Variants in ZFP37 observed in about 807,000 individuals in gnomAD.
The protein encoded by ZFP37 is zinc finger protein 37 homolog.
Under a neutral mutation model 52.1 loss-of-function variants are expected in ZFP37, and 38 were observed. The ratio of observed to expected loss-of-function variants is 0.73; its 90% CI spans 0.56 to 0.96. The LOEUF is 0.96. ZFP37 is among the 40% of genes least tolerant of loss of function. The pLI, the probability that ZFP37 is intolerant of heterozygous loss-of-function variation, is 0.00. For missense variants in ZFP37, 695 were observed against 741.4 expected (o/e 0.94, Z 0.73); for synonymous variants, 253 against 259.5 (o/e 0.98, Z 0.24).
rs1001414206 is a variant in ZFP37 at position 113,039,754 on chromosome 9, A to C, written c.*2971T>G. 6.6e-6 allele frequency: 1 copy of C among 152,182 alleles called. No homozygotes were observed. Among genetic ancestry groups the C allele is most frequent in the Non-Finnish European group, 1.5e-5 (1 of 68,036 alleles). The allele number at this position is 152,182 out of a possible 1,614,324, so 9.4% of individuals were successfully genotyped here. Reference sequence around the variant, plus strand: ...GATGATCATATCACTTGAATAAATAAATGTTTCAAAACTGTTAATAATAAT... The same window carrying C: ...GATGATCATATCACTTGAATAAATACATGTTTCAAAACTGTTAATAATAAT... On this transcript the variant is annotated 3_prime_UTR_variant, in exon 4 of 4. Transcript: ENST00000374227.
rs770512368 is a variant in ZFP37, at chr9:113,043,235, A to G, written c.1383T>C (p.Phe461=). 3 of 1,613,950 alleles carry G rather than the reference A, an allele frequency of 1.9e-6. No homozygotes were observed. In the Admixed American group the frequency reaches 5.0e-5, roughly 27 times the overall value. ...HMRIHTGEKP[F]ECNECGKAFS... Reference sequence around the variant, plus strand: ...AAGCTTTCCCACATTCATTACATTCAAAGGGTTTCTCACCTGTATGAATTC... The same window carrying G: ...AAGCTTTCCCACATTCATTACATTCGAAGGGTTTCTCACCTGTATGAATTC... Residue 461 remains phenylalanine (F), a synonymous_variant, in exon 4 of 4, where the codon TTT becomes TTC. Coordinates refer to ENST00000374227, the MANE Select transcript of ZFP37 (RefSeq NM_003408.3).
In ZFP37 at chr9:113,044,246, C is replaced by T; in HGVS notation, c.372G>A (p.Gln124=). 2.5e-6 allele frequency: 4 copies of T among 1,569,074 alleles called. No individual in the cohort carries two copies. The highest frequency in any genetic ancestry group is 2.8e-5 in the African/African-American group (2 of 72,532). The change falls in exon 4 of 4, where the codon CAG becomes CAA. Residue 124 remains glutamine, a synonymous_variant. Transcript: ENST00000374227. Reference sequence around the variant, plus strand: ...TTTGAGATTTCTGGATATTTTCAAGCTGGTCATCATCTTTCTGGACTTCTA... The same window carrying T: ...TTTGAGATTTCTGGATATTTTCAAGTTGGTCATCATCTTTCTGGACTTCTA... ...TDGKVQKDDD[Q]LENIQKSQNK... is the part of the protein sequence containing the mutation.
intron 1 of ZFP37, among the ~76,000 whole-genome samples, chr9:113,050,467 C>A: frequency 1.3e-5 from 1 of 77,596 alleles, no homozygotes; most frequent in Admixed American, 1.4e-4. Flanking sequence ...AGACAAATAG[C>A]CAAAAAAAAA....
At position 113,039,586 on chromosome 9, in the gene ZFP37, TC is replaced by T. The variant is rs1375578466; in HGVS notation, c.*3138del. The T allele has an allele frequency of 6.6e-6, 1 of 152,148 alleles. No individual in the cohort carries two copies. Among genetic ancestry groups the T allele is most frequent in the Admixed American group, 6.5e-5 (1 of 15,274 alleles). 9.4% of individuals were successfully genotyped at this position (152,148 alleles called of 1,614,324 possible). A position where few individuals can be genotyped will look rare whatever the true frequency, so the allele number is the denominator to read the frequency against. On this transcript the variant is annotated 3_prime_UTR_variant, in exon 4 of 4. Coordinates refer to ENST00000374227, the MANE Select transcript of ZFP37 (RefSeq NM_003408.3). Reference sequence around the variant, plus strand: ...CCCTTCCTTGGTTTGCTTTTTGCCATCCAGTGATCTGTTATACTTTATATTG... The same window carrying T: ...CCCTTCCTTGGTTTGCTTTTTGCCATCAGTGATCTGTTATACTTTATATTG...
At chr9:113,049,007 C>A (rs1829008609) in intron 3 of ZFP37, among the ~76,000 whole-genome samples, 1 of 152,136 alleles carries the variant, frequency 6.6e-6, no homozygotes, top group Non-Finnish European at 1.5e-5. Flanking sequence ...GTGGCTTGAG[C>A]AAGCAATCAA....
rs966544647 is a variant in ZFP37, at chr9:113,041,582, C to A, written c.*1143G>T. 1.3e-5 allele frequency: 2 copies of A among 152,036 alleles called. No individual in the cohort carries two copies. The highest frequency in any genetic ancestry group is 4.8e-5 in the African/African-American group (2 of 41,398). 9.4% of individuals were successfully genotyped at this position (152,036 alleles called of 1,614,324 possible). A position where few individuals can be genotyped will look rare whatever the true frequency, so the allele number is the denominator to read the frequency against. On this transcript the variant is annotated 3_prime_UTR_variant, in exon 4 of 4. Coordinates refer to ENST00000374227, the MANE Select transcript of ZFP37 (RefSeq NM_003408.3). ...ATCACCTGCAATCACAATTCAACAT[C>A]AAAAAATGGCAAATGTAGAAACAGT...
chr9:113,053,867 A>G lies in ZFP37; in HGVS notation c.132+2690T>C, dbSNP rs187066675. On this transcript the variant is annotated intron_variant, in intron 1 of 3. Transcript: ENST00000374227. The stretch of plus-strand genomic sequence containing the variant: ...TCCCAAAGACTTCACTCCTGCAAGT[A>G]CCTCTTTCTGTTTTGTAACATCTGT... 8.1e-4 allele frequency among the ~76,000 whole-genome samples: 123 copies of G among 152,182 alleles called. 1 individual carries two copies. The highest frequency in any genetic ancestry group is 2.8e-3 in the African/African-American group (116 of 41,504).
chr9:113,045,547 C>T (rs1828935581), intron 3 of ZFP37, among the ~76,000 whole-genome samples: 1 of 152,146 alleles, frequency 6.6e-6, no homozygotes, highest in Admixed American at 6.5e-5. Flanking sequence ...CATATTCTTT[C>T]TGCCATACAT....
In ZFP37 at chr9:113,043,326, A is replaced by G. The variant is rs755131395; in HGVS notation, c.1292T>C (p.Ile431Thr). 3.1e-6 allele frequency: 5 copies of G among 1,613,880 alleles called. No homozygotes were observed. The highest frequency in any genetic ancestry group is 1.3e-5 in the African/African-American group (1 of 74,912). ...TEHVRTHTGE[I>T]PYECNECGKA... Reference sequence around the variant, plus strand: ...TCCACATTCATTGCATTCATATGGTATTTCACCTGTATGTGTTCTCACATG... The same window carrying G: ...TCCACATTCATTGCATTCATATGGTGTTTCACCTGTATGTGTTCTCACATG... The change falls in exon 4 of 4, where the codon ATA becomes ACA. Residue 431 changes from isoleucine to threonine, a missense_variant. Coordinates refer to ENST00000374227, the MANE Select transcript of ZFP37 (RefSeq NM_003408.3).
chr9:113,042,615 A>T lies in ZFP37; in HGVS notation c.*110T>A. 1.1e-6 allele frequency: 1 copy of T among 898,166 alleles called. No homozygotes were observed. Among genetic ancestry groups the T allele is most frequent in the Non-Finnish European group, 1.6e-6 (1 of 622,204 alleles). The allele number at this position is 898,166 out of a possible 1,614,324, so 55.6% of individuals were successfully genotyped here. ...GATCCATTTTCAAAGTTTCTCATGTACAACAAGGTGTGACATCTTGCTAAA... is the reference window on the plus strand; with the variant it reads ...GATCCATTTTCAAAGTTTCTCATGTTCAACAAGGTGTGACATCTTGCTAAA... On this transcript the variant is annotated 3_prime_UTR_variant, in exon 4 of 4. Coordinates refer to ENST00000374227, the MANE Select transcript of ZFP37 (RefSeq NM_003408.3).
Position 113,039,187 on chromosome 9 carries a change from C to T in ZFP37, c.*3538G>A, listed in dbSNP as rs1331914734. On this transcript the variant is annotated 3_prime_UTR_variant, in exon 4 of 4. Transcript: ENST00000374227. Reference sequence around the variant, plus strand: ...ATAGAATAGATTCCTCGATGGACTGCCGACCATCATAAGGCTTTGATGTAT... The same window carrying T: ...ATAGAATAGATTCCTCGATGGACTGTCGACCATCATAAGGCTTTGATGTAT... 1 of 152,196 alleles carries T rather than the reference C, an allele frequency of 6.6e-6. No homozygotes were observed. The highest frequency in any genetic ancestry group is 2.1e-4 in the South Asian group (1 of 4,816). The allele number at this position is 152,196 out of a possible 1,614,324, so 9.4% of individuals were successfully genotyped here.
intron 1 of ZFP37, among the ~76,000 whole-genome samples, chr9:113,051,887 T>C (rs942940487): frequency 6.6e-6 from 1 of 152,174 alleles, no homozygotes; most frequent in Admixed American, 6.5e-5. Flanking sequence ...CAGCCTTGCC[T>C]AATTACTGGG....
At position 113,041,331 on chromosome 9, in the gene ZFP37, G is replaced by A. The variant is rs2118675468; in HGVS notation, c.*1394C>T. On this transcript the variant is annotated 3_prime_UTR_variant, in exon 4 of 4. Coordinates refer to ENST00000374227, the MANE Select transcript of ZFP37 (RefSeq NM_003408.3). ...TCCAAGTTGATGCATAGTACCTTCT[G>A]GAATGCACGCTGCACAATGATTCTG... 6.6e-6 allele frequency: 1 copy of A among 152,226 alleles called. No homozygotes were observed. Among genetic ancestry groups the A allele is most frequent in the East Asian group, 1.9e-4 (1 of 5,184 alleles). The allele number at this position is 152,226 out of a possible 1,614,324, so 9.4% of individuals were successfully genotyped here.
At position 113,056,266 on chromosome 9, in the gene ZFP37, T is replaced by C. The variant is rs867986224; in HGVS notation, c.132+291A>G. Among the ~76,000 whole-genome samples, 5 of 152,000 alleles carry C rather than the reference T, an allele frequency of 3.3e-5. No homozygotes were observed. The South Asian group carries it at 8.3e-4, about 25-fold the overall frequency. ...CGCCAACCCCCACGGTCCTTCCCTATCTCTGACACATCACAAAGCCTCCAT... is the reference window on the plus strand; with the variant it reads ...CGCCAACCCCCACGGTCCTTCCCTACCTCTGACACATCACAAAGCCTCCAT... On this transcript the variant is annotated intron_variant, in intron 1 of 3. Coordinates refer to ENST00000374227, the MANE Select transcript of ZFP37 (RefSeq NM_003408.3).
chr9:113,056,059 A>C (rs1399003782), intron 1 of ZFP37, among the ~76,000 whole-genome samples: 1 of 143,070 alleles, frequency 7.0e-6, no homozygotes, highest in Non-Finnish European at 1.5e-5. Context: ...TGACCCTCAA[A>C]GATACTGCTA....
At position 113,052,395 on chromosome 9, in the gene ZFP37, A is replaced by G. The variant is rs946116096; in HGVS notation, c.133-2523T>C. The stretch of plus-strand genomic sequence containing the variant: ...TTATTTATAGTATCACCAGGTTTTC[A>G]GCCATTAACCCTTCTGGGTCCGGTG... On this transcript the variant is annotated intron_variant, in intron 1 of 3. Coordinates refer to ENST00000374227, the MANE Select transcript of ZFP37 (RefSeq NM_003408.3). This position sits in a 1 kb window ranked among gnomAD's most constrained non-coding sequence, Gnocchi z 4.1. Among the ~76,000 whole-genome samples the G allele has an allele frequency of 2.0e-5, 3 of 152,184 alleles. No homozygotes were observed. Among genetic ancestry groups the G allele is most frequent in the African/African-American group, 7.2e-5 (3 of 41,446 alleles).
chr9:113,056,679 A>G lies in ZFP37; in HGVS notation c.10T>C (p.Ser4Pro), dbSNP rs1829153939. 1.2e-6 allele frequency: 2 copies of G among 1,612,852 alleles called. No individual in the cohort carries two copies. The highest frequency in any genetic ancestry group is 4.5e-5 in the East Asian group (2 of 44,878). The stretch of plus-strand genomic sequence containing the variant: ...TTTGTCAGAATCTGGACGCCGCTGG[A>G]GACCGACATGGCGGCTACCCGGAGG... The part of the protein sequence containing the change: MSV[S>P]SGVQILTKPE... Residue 4 changes from serine (S) to proline (P), a missense_variant, in exon 1 of 4, where the codon TCC (serine) becomes CCC (proline). This residue lies in a region of ZFP37 where 369 missense variants were observed against 340.9 expected (regional missense o/e 1.08). Transcript: ENST00000374227.
chr9:113,044,168 ATTC>A lies in ZFP37; in HGVS notation c.447_449del (p.Lys149del), dbSNP rs1214796285. The A allele has an allele frequency of 3.1e-6, 5 of 1,610,786 alleles. No individual in the cohort carries two copies. Reference sequence around the variant, plus strand: ...TCCCCAGTGAACCACAGTCACTGCCATTCTTCTTAGCTTGAGTTTTCTTCTTGA... The same window carrying A: ...TCCCCAGTGAACCACAGTCACTGCCATTCTTAGCTTGAGTTTTCTTCTTGA... On this transcript the variant is annotated inframe_deletion, in exon 4 of 4. Transcript: ENST00000374227.
chr9:113,055,590 T>C (rs1829126492), intron 1 of ZFP37, among the ~76,000 whole-genome samples: 1 of 152,132 alleles, frequency 6.6e-6, no homozygotes, highest in Admixed American at 6.5e-5. Flanking sequence ...TACAGACTGT[T>C]CCTACTGTTC....
Sources: gnomAD v4.1 joint callset for allele counts (sites outside exome capture counted in the v4.1 genomes callset) on GRCh38, gnomAD v4.1.1 for gene constraint, gnomAD v4.1.1 regional missense constraint, Gnocchi (gnomAD v3.1) non-coding constraint, MANE v1.5 for transcripts, NCBI Gene and HGNC (gene_info 2026-07-23, HGNC 2026-07-21) for gene names.